Variants in SUCO observed in about 807,000 individuals in gnomAD.
SUCO encodes the protein SUN domain containing ossification factor, also known as SUN domain-containing ossification factor.
In SUCO, 57 loss-of-function variants were observed where a neutral mutation model predicts 148.1. The ratio of observed to expected loss-of-function variants is 0.38; its 90% CI spans 0.31 to 0.48. The LOEUF (loss-of-function observed/expected upper bound fraction) is 0.48, where lower values mean the gene tolerates loss of function less well. Among genes scored for constraint, SUCO ranks in the 20% least tolerant of loss-of-function variants. SUCO has a pLI of 0.96. For missense variants in SUCO, 1,331 were observed against 1,468.2 expected, an observed-to-expected ratio of 0.91 and a Z score of 1.53; for synonymous variants, 470 against 502.7, an observed-to-expected ratio of 0.93 and a Z score of 0.87.
intron 17 of SUCO, 94 bp downstream of exon 17, chr1:172,586,042 T>C (rs939759472): frequency 1.5e-5 from 12 of 782,432 alleles, no homozygotes; most frequent in Non-Finnish European, 2.2e-5. Flanking sequence ...GTGTGTGAAA[T>C]GATTACCTGT....
upstream of SUCO, chr1:172,532,396 A>G: frequency 1.8e-6 from 2 of 1,137,990 alleles, no homozygotes; most frequent in Admixed American, 2.5e-5. Context: ...GCACACTTAA[A>G]GTGAGGAACC....
At chr1:172,564,818 A>G (rs1654440343) in intron 6 of SUCO, among the ~76,000 whole-genome samples, 1 of 152,108 alleles carries the variant, frequency 6.6e-6, no homozygotes, top group Admixed American at 6.5e-5. Context: ...TCTATCCATA[A>G]CATTCTTTAT....
chr1:172,564,357 C>A (rs12072225), intron 6 of SUCO, among the ~76,000 whole-genome samples: 1 of 152,244 alleles, frequency 6.6e-6, no homozygotes, highest in African/African-American at 2.4e-5. Flanking sequence ...CTCCTGAAAG[C>A]AGTTATGGGG....
intron 9 of SUCO, among the ~76,000 whole-genome samples, 165 bp from the exon 10 acceptor site, chr1:172,573,726 A>G (rs1317747568): frequency 6.6e-6 from 1 of 152,142 alleles, no homozygotes; most frequent in East Asian, 1.9e-4. Context: ...TTTGGGAAGT[A>G]TTTAAAGATG....
intron 23 of SUCO, 87 bp downstream of exon 23, chr1:172,608,889 T>A: frequency 1.1e-6 from 1 of 873,044 alleles, no homozygotes; most frequent in Non-Finnish European, 1.9e-6. Flanking sequence ...GGTAATTACC[T>A]TTAAGTAGTC....
chr1:172,590,387 T>G, intron 18 of SUCO: 3 of 984,220 alleles, frequency 3.0e-6, no homozygotes, highest in Non-Finnish European at 3.6e-6. Context: ...TGCTCTCTTT[T>G]AAACAGGTCT....
chr1:172,565,363 G>A (rs1432685573), intron 6 of SUCO, among the ~76,000 whole-genome samples: 2 of 152,212 alleles, frequency 1.3e-5, no homozygotes, highest in Non-Finnish European at 2.9e-5. Flanking sequence ...AGAAGGAGTT[G>A]CAACTCGCTG....
At position 172,551,556 on chromosome 1, in the gene SUCO, C is replaced by T. The variant is rs765528399; in HGVS notation, c.107C>T (p.Ser36Leu). Residue 36 changes from serine to leucine, a missense_variant, in exon 2 of 24, where the codon TCA becomes TTA. Around this residue, in one of 3 missense-constraint regions of SUCO, gnomAD observed 992 missense variants for 1,093.5 expected, o/e 0.91. Transcript: ENST00000263688. ...RVCCKESSSA[S>L]ASSYYSQDDN... ...TGTTGTAAAGAGAGTTCTTCAGCTT[C>T]AGCGTCATCATATTACTCTCAAGAT... The T allele has an allele frequency of 1.9e-6, 3 of 1,611,604 alleles. No homozygotes were observed. The highest frequency in any genetic ancestry group is 1.7e-5 in the Admixed American group (1 of 59,702).
rs1436746167 is a variant in SUCO, at chr1:172,609,878, C to T, written c.3384C>T (p.His1128=). ...IETIKPEEPL[H]PIANGDIKGR... ...CCATAAAGCCTGAAGAACCATTGCA[C>T]CCCATAGCCAATGGCGACATAAAAG... Residue 1128 remains histidine (H), a synonymous_variant, in exon 24 of 24, where the codon CAC becomes CAT. Transcript: ENST00000263688. The T allele has an allele frequency of 6.2e-7, 1 of 1,613,652 alleles. No individual in the cohort carries two copies. Among genetic ancestry groups the T allele is most frequent in the Middle Eastern group, 1.7e-4 (1 of 6,058 alleles).
chr1:172,555,487 T>A (rs1653671428), intron 3 of SUCO: 2 of 868,996 alleles, frequency 2.3e-6, no homozygotes, highest in Non-Finnish European at 2.8e-6. Flanking sequence ...ACACATTATT[T>A]CCTAAACTGC....
At position 172,550,676 on chromosome 1, in the gene SUCO, G is replaced by A. The variant is rs567530605; in HGVS notation, c.63-836G>A. 6.6e-5 allele frequency among the ~76,000 whole-genome samples: 10 copies of A among 151,674 alleles called. No homozygotes were observed. The East Asian group carries it at 1.9e-3, about 29-fold the overall frequency. ...TCAGATCTATATAGGTGTCTTTTTA[G>A]GTTTCCTCACTAAATATAATACTGA... is the stretch of plus-strand genomic sequence containing the variant. On this transcript the variant is annotated intron_variant, in intron 1 of 23. Coordinates refer to ENST00000263688, the MANE Select transcript of SUCO (RefSeq NM_014283.5).
rs771124346 is a variant in SUCO at position 172,610,149 on chromosome 1, C to A, written c.3655C>A (p.Leu1219Ile). Residue 1219 changes from leucine (L) to isoleucine (I), a missense_variant, in exon 24 of 24, where the codon CTA becomes ATA. Leu to Ile is a conservative substitution (Grantham distance 5, BLOSUM62 2). Around this residue, in one of 3 missense-constraint regions of SUCO, gnomAD observed 334 missense variants for 352.3 expected, o/e 0.95. Transcript: ENST00000263688. ...VQDQGKLIKT[L>I]IQTKSGSLPS... ...AGACCAAGGAAAATTGATAAAAACTCTAATACAGACTAAGTCGGGATCATT... is the reference window on the plus strand; with the variant it reads ...AGACCAAGGAAAATTGATAAAAACTATAATACAGACTAAGTCGGGATCATT... 1.5e-5 allele frequency: 25 copies of A among 1,613,624 alleles called. No individual in the cohort carries two copies. Among genetic ancestry groups the A allele is most frequent in the Non-Finnish European group, 2.1e-5 (25 of 1,179,804 alleles).
chr1:172,609,352 C>T, intron 23 of SUCO: 1 of 984,352 alleles, frequency 1.0e-6, no homozygotes, highest in Non-Finnish European at 1.2e-6. Flanking sequence ...GGTGAAAGAA[C>T]TTGGGCTTTG....
At chr1:172,536,336 C>T (rs1326904906) in intron 1 of SUCO, among the ~76,000 whole-genome samples, 1 of 152,108 alleles carries the variant, frequency 6.6e-6, no homozygotes, top group Non-Finnish European at 1.5e-5. Context: ...TGTTATGTAA[C>T]TTCTTTGAAC....
intron 6 of SUCO, among the ~76,000 whole-genome samples, chr1:172,564,683 T>C (rs912152276): frequency 6.6e-6 from 1 of 152,168 alleles, no homozygotes; most frequent in Non-Finnish European, 1.5e-5. Context: ...TACGTTGTCC[T>C]ATACTACCTC....
At chr1:172,579,688 A>G (rs1377729748) in intron 15 of SUCO, among the ~76,000 whole-genome samples, 2 of 152,050 alleles carry the variant, frequency 1.3e-5, no homozygotes, top group Non-Finnish European at 2.9e-5. Context: ...TAGTAATAAT[A>G]TACTCCTTGT....
intron 1 of SUCO, chr1:172,544,231 T>C: frequency 1.8e-6 from 1 of 568,480 alleles, no homozygotes; most frequent in South Asian, 7.8e-5. Flanking sequence ...CTTTGTTGCC[T>C]AGTTTAGTTA....
chr1:172,598,512 A>G (rs1039562502), intron 19 of SUCO, among the ~76,000 whole-genome samples: 8 of 152,184 alleles, frequency 5.3e-5, no homozygotes, highest in Non-Finnish European at 1.2e-4. Flanking sequence ...TGATGAATTT[A>G]TAGATTAATT....
intron 15 of SUCO, among the ~76,000 whole-genome samples, chr1:172,583,945 T>C (rs957950174): frequency 6.6e-6 from 1 of 152,220 alleles, no homozygotes; most frequent in Non-Finnish European, 1.5e-5. Flanking sequence ...TTCATGTAAA[T>C]ATCCTCCTTC....
Sources: allele counts gnomAD v4.1 joint callset (sites outside exome capture counted in the v4.1 genomes callset), GRCh38; gene constraint gnomAD v4.1.1; regional missense constraint gnomAD v4.1.1; transcripts MANE v1.5; gene names NCBI Gene and HGNC (gene_info 2026-07-23, HGNC 2026-07-21).